FOXN4: variants seen among roughly 807,000 people sequenced by gnomAD.
FOXN4 encodes the protein forkhead box N4.
A neutral mutation model predicts 45.0 loss-of-function variants in FOXN4; 12 were observed. The ratio of observed to expected loss-of-function variants is 0.27; its 90% CI spans 0.17 to 0.43. FOXN4 has a LOEUF of 0.43. Ranked by LOEUF, FOXN4 falls within the 20% of genes least tolerant of loss-of-function variation. The pLI is 1.00. For missense variants in FOXN4, 560 were observed against 694.9 expected (o/e 0.81, Z 2.18); for synonymous variants, 297 against 295.0 (o/e 1.01, Z -0.07).
chr12:109,289,760 T>C (rs2047748420), intron 3 of FOXN4, among the ~76,000 whole-genome samples: 1 of 152,218 alleles, frequency 6.6e-6, no homozygotes, highest in Non-Finnish European at 1.5e-5. Context: ...GCCAGCCAGA[T>C]GGTCTCTGTG....
Position 109,286,706 on chromosome 12 carries a change from C to T in FOXN4, c.635G>A (p.Gly212Asp). Residue 212 changes from glycine (G) to aspartate (D), a missense_variant, in exon 7 of 10, where the codon GGC (glycine) becomes GAC (aspartate). By Grantham distance (94) the Gly-to-Asp change is moderately conservative (BLOSUM62 -1). Coordinates refer to ENST00000299162, the MANE Select transcript of FOXN4 (RefSeq NM_213596.3). ...IAMALKNSKT[G>D]SLPVSEIYSF... ...GTAGATCTCGCTCACAGGCAGGCTG[C>T]CTGTCTTGCTGTTCTTCAGGGCCAT... 1 of 1,608,402 alleles carries T rather than the reference C, an allele frequency of 6.2e-7. No individual in the cohort carries two copies. Among genetic ancestry groups the T allele is most frequent in the African/African-American group, 1.3e-5 (1 of 74,746 alleles).
At chr12:109,293,620 C>T (rs2047789976) in intron 2 of FOXN4, among the ~76,000 whole-genome samples, 1 of 152,234 alleles carries the variant, frequency 6.6e-6, no homozygotes, top group Admixed American at 6.5e-5. Context: ...GCCTCAGCCT[C>T]CTGAGTAGCT....
chr12:109,298,362 G>A (rs1036377493), intron 2 of FOXN4, among the ~76,000 whole-genome samples: 1 of 116,154 alleles, frequency 8.6e-6, no homozygotes, highest in South Asian at 2.8e-4. Flanking sequence ...TTTTTGCTTT[G>A]TTTTGTTTTG....
At position 109,304,267 on chromosome 12, in the gene FOXN4, GAA is replaced by G. The variant is rs760654166; in HGVS notation, c.86+3967_86+3968del. ...AGAAAGAAAGAAAGAAAGAAAGAAA[GAA>G]AGAAAGAAAGAAAGAAAGAAAGAAA... is the stretch of plus-strand genomic sequence containing the variant. On this transcript the variant is annotated intron_variant, in intron 2 of 9. Transcript: ENST00000299162. Among the ~76,000 whole-genome samples the G allele has an allele frequency of 5.8e-4, 51 of 88,192 alleles. 1 individual carries two copies. The highest frequency in any genetic ancestry group is 1.8e-3 in the African/African-American group (36 of 20,250). 57.9% of individuals were successfully genotyped at this position (88,192 alleles called of 152,430 possible). A position where few individuals can be genotyped will look rare whatever the true frequency, so the allele number is the denominator to read the frequency against.
At position 109,281,850 on chromosome 12, in the gene FOXN4, C is replaced by T. The variant is rs2047656706; in HGVS notation, c.902-51G>A. On this transcript the variant is annotated intron_variant, in intron 8 of 9. Coordinates refer to ENST00000299162, the MANE Select transcript of FOXN4 (RefSeq NM_213596.3). ...CAGAACCCACCCAGCAGTTACCGGGCCCCAGCCCAGGCCTGGGTTCAAATT... is the reference window on the plus strand; with the variant it reads ...CAGAACCCACCCAGCAGTTACCGGGTCCCAGCCCAGGCCTGGGTTCAAATT... The T allele has an allele frequency of 3.3e-6, 5 of 1,506,446 alleles. No homozygotes were observed. The East Asian group carries it at 1.1e-4, about 34-fold the overall frequency. 93.3% of individuals were successfully genotyped at this position (1,506,446 alleles called of 1,614,324 possible).
chr12:109,292,106 C>T (rs938648346), intron 2 of FOXN4, among the ~76,000 whole-genome samples: 8 of 152,306 alleles, frequency 5.3e-5, no homozygotes, highest in Admixed American at 3.9e-4. Flanking sequence ...GTTGGGGGTG[C>T]TGGCCAGTCC....
chr12:109,304,400 C>A (rs893314520), intron 2 of FOXN4, among the ~76,000 whole-genome samples: 9 of 152,204 alleles, frequency 5.9e-5, no homozygotes, highest in Non-Finnish European at 1.3e-4. Flanking sequence ...ACAGTAGATA[C>A]TTAATAACTC....
At chr12:109,297,799 C>T (rs1378076071) in intron 2 of FOXN4, among the ~76,000 whole-genome samples, 25 of 152,180 alleles carry the variant, frequency 1.6e-4, no homozygotes, top group African/African-American at 5.3e-4. Context: ...AGAAAATCCT[C>T]GCAGTGTCTC....
intron 2 of FOXN4, among the ~76,000 whole-genome samples, chr12:109,305,707 G>A (rs1276928179): frequency 6.6e-6 from 1 of 152,122 alleles, no homozygotes; most frequent in African/African-American, 2.4e-5. Context: ...TCCAGCCTAG[G>A]TGACAGAGTG....
intron 8 of FOXN4, among the ~76,000 whole-genome samples, chr12:109,283,762 C>G (rs1481254169): frequency 6.6e-6 from 1 of 152,230 alleles, no homozygotes; most frequent in Non-Finnish European, 1.5e-5. Context: ...GGGCATGAGC[C>G]ACCGCACCCG....
At chr12:109,286,944 G>T in intron 6 of FOXN4, 200 bp from the exon 7 acceptor site, 1 of 1,341,372 alleles carries the variant, frequency 7.5e-7, no homozygotes, top group Non-Finnish European at 9.8e-7. Flanking sequence ...TCCTTGATCT[G>T]GGCACAACAA....
chr12:109,279,876 G>T lies in FOXN4; in HGVS notation c.1349C>A (p.Ala450Asp). Residue 450 changes from alanine (A) to aspartate (D), a missense_variant, in exon 10 of 10, where the codon GCC (alanine) becomes GAC (aspartate). Ala to Asp is a moderately radical substitution (Grantham distance 126). Coordinates refer to ENST00000299162, the MANE Select transcript of FOXN4 (RefSeq NM_213596.3). ...ACAGCCAAGCGGGGAGTCTGCAAAG[G>T]CGCCCAGTGTGTCCAAGCTGAATCC... ...DEGFSLDTLG[A>D]FADSPLGCDL... is the part of the protein sequence containing the mutation. 1 of 1,613,996 alleles carries T rather than the reference G, an allele frequency of 6.2e-7. No individual in the cohort carries two copies. Among genetic ancestry groups the T allele is most frequent in the Non-Finnish European group, 8.5e-7 (1 of 1,179,898 alleles).
In FOXN4 at chr12:109,291,969, G is replaced by C. The variant is rs999020774; in HGVS notation, c.87-1683C>G. Among the ~76,000 whole-genome samples the C allele has an allele frequency of 2.6e-5, 4 of 151,788 alleles. No homozygotes were observed. Among genetic ancestry groups the C allele is most frequent in the Non-Finnish European group, 2.9e-5 (2 of 68,008 alleles). ...CACCCCTCCGGCTGCCACCCCTCCG[G>C]CCTGCTCGTAACTCATCTGGCCAAG... is the stretch of plus-strand genomic sequence containing the variant. On this transcript the variant is annotated intron_variant, in intron 2 of 9. Coordinates refer to ENST00000299162, the MANE Select transcript of FOXN4 (RefSeq NM_213596.3). The surrounding 1 kb of genome is among the most constrained non-coding windows in gnomAD (Gnocchi z 6.6).
rs146841703 is a variant in FOXN4 at position 109,282,402 on chromosome 12, T to C, written c.902-603A>G. Reference sequence around the variant, plus strand: ...GGTTGAGGCTGCAGTAAGACATGATTGCACTACTGTACTCCAGCCTGGGTG... The same window carrying C: ...GGTTGAGGCTGCAGTAAGACATGATCGCACTACTGTACTCCAGCCTGGGTG... On this transcript the variant is annotated intron_variant, in intron 8 of 9. Coordinates refer to ENST00000299162, the MANE Select transcript of FOXN4 (RefSeq NM_213596.3). 2.1e-3 allele frequency among the ~76,000 whole-genome samples: 324 copies of C among 152,110 alleles called. 2 individuals are homozygous for C. Among genetic ancestry groups the C allele is most frequent in the African/African-American group, 7.6e-3 (314 of 41,476 alleles).
At chr12:109,285,616 G>T in intron 7 of FOXN4, 105 bp from the exon 8 acceptor site, 1 of 1,194,492 alleles carries the variant, frequency 8.4e-7, no homozygotes. Flanking sequence ...GGTGGCAGGA[G>T]TAATTTGACA....
In FOXN4 at chr12:109,278,363, A is replaced by C. The variant is rs911102007; in HGVS notation, c.*1308T>G. The stretch of plus-strand genomic sequence containing the variant: ...TGGTGCGTGAGGCTGCAGCTTCTCC[A>C]ATTTTGTCTCAGCTTTGCTGGGAGA... On this transcript the variant is annotated 3_prime_UTR_variant, in exon 10 of 10. Coordinates refer to ENST00000299162, the MANE Select transcript of FOXN4 (RefSeq NM_213596.3). 1.4e-4 allele frequency: 22 copies of C among 152,192 alleles called. 1 individual carries two copies. The highest frequency in any genetic ancestry group is 1.5e-5 in the Non-Finnish European group (1 of 68,026). The allele number at this position is 152,192 out of a possible 1,614,324, so 9.4% of individuals were successfully genotyped here.
chr12:109,304,221 G>GAGAAAGAAAGAAAGAAAGAAAGAAAGAA (rs58280775), intron 2 of FOXN4, among the ~76,000 whole-genome samples: 36 of 82,534 alleles, frequency 4.4e-4, no homozygotes, highest in Admixed American at 1.9e-3. Flanking sequence ...AGAAAAGAAA[G>GAGAAAGAAAGAAAGAAAGAAAGAAAGAA]AGAAAGAAAG....
intron 6 of FOXN4, chr12:109,286,947 C>T (rs1206327597): frequency 4.5e-6 from 6 of 1,322,642 alleles, no homozygotes; most frequent in Non-Finnish European, 6.0e-6. Context: ...TTGATCTGGG[C>T]ACAACAATTG....
In FOXN4 at chr12:109,287,384, C is replaced by A; in HGVS notation, c.596+13G>T. 1 of 1,551,402 alleles carries A rather than the reference C, an allele frequency of 6.4e-7. No homozygotes were observed. The highest frequency in any genetic ancestry group is 1.4e-5 in the African/African-American group (1 of 73,172). ...CCGCCCTTGGCCCTGACCCGGCCCA[C>A]CCTGGACCTCACCTGTACGAGTAGA... On this transcript the variant is annotated intron_variant, in intron 6 of 9. Transcript: ENST00000299162. This position sits in a 1 kb window ranked among gnomAD's most constrained non-coding sequence, Gnocchi z 4.1.
Sources: allele counts gnomAD v4.1 joint callset (sites outside exome capture counted in the v4.1 genomes callset), GRCh38; gene constraint gnomAD v4.1.1; non-coding constraint Gnocchi (gnomAD v3.1); transcripts MANE v1.5; gene names NCBI Gene and HGNC (gene_info 2026-07-23, HGNC 2026-07-21).